OR5V1: variants seen among roughly 807,000 people sequenced by gnomAD.
OR5V1 encodes olfactory receptor 5V1.
For missense variants in OR5V1, 365 were observed against 371.5 expected (o/e 0.98, Z 0.14); for synonymous variants, 134 against 143.2 (o/e 0.94, Z 0.46).
Position 29,355,179 on chromosome 6 carries a change from G to A in OR5V1, c.*51C>T. On this transcript the variant is annotated 3_prime_UTR_variant, in exon 2 of 2. Coordinates refer to ENST00000641768, the MANE Select transcript of OR5V1 (RefSeq NM_030876.6). ...TTTTAAACTTTCAATAAAAACAGCTGACTGGTGAAAAAGTTAATTTTGTAG... is the reference window on the plus strand; with the variant it reads ...TTTTAAACTTTCAATAAAAACAGCTAACTGGTGAAAAAGTTAATTTTGTAG... 3 of 1,510,890 alleles carry A rather than the reference G, an allele frequency of 2.0e-6. No individual in the cohort carries two copies. The highest frequency in any genetic ancestry group is 2.7e-6 in the Non-Finnish European group (3 of 1,130,254). The allele number at this position is 1,510,890 out of a possible 1,614,324, so 93.6% of individuals were successfully genotyped here.
rs745441174 is a variant in OR5V1, at chr6:29,355,543, T to C, written c.653A>G (p.Tyr218Cys). The change falls in exon 2 of 2, where the codon TAC (tyrosine) becomes TGC (cysteine). Residue 218 changes from tyrosine to cysteine, a missense_variant. Physicochemically the swap from Tyr to Cys is radical, Grantham distance 194. Transcript: ENST00000641768. Reference protein sequence around the residue: ...WTPFLCIVLSYICIISTILRI... With the variant: ...WTPFLCIVLSCICIISTILRI... ...CAAGATGGTGGAGATTATGCAAATG[T>C]AGGAAAGTACGATACAAAGGAAAGG... The C allele has an allele frequency of 1.4e-5, 23 of 1,613,858 alleles. No homozygotes were observed. The highest frequency in any genetic ancestry group is 5.0e-5 in the Admixed American group (3 of 59,978).
chr6:29,356,206 G>T lies in OR5V1; in HGVS notation c.-11C>A. 6.5e-7 allele frequency: 1 copy of T among 1,546,346 alleles called. No individual in the cohort carries two copies. Among genetic ancestry groups the T allele is most frequent in the Non-Finnish European group, 8.7e-7 (1 of 1,152,992 alleles). On this transcript the variant is annotated 5_prime_UTR_variant, in exon 2 of 2. Transcript: ENST00000641768. ...ATTCTTTCTTTCCATGATGTCGCCTGGTTTCCTTTCAGGAATTGGGCAAAG... is the reference window on the plus strand; with the variant it reads ...ATTCTTTCTTTCCATGATGTCGCCTTGTTTCCTTTCAGGAATTGGGCAAAG...
rs776585406 is a variant in OR5V1, at chr6:29,356,188, C to A, written c.8G>T (p.Arg3Ile). The A allele has an allele frequency of 5.1e-6, 8 of 1,564,246 alleles. No individual in the cohort carries two copies. The highest frequency in any genetic ancestry group is 6.9e-6 in the Non-Finnish European group (8 of 1,160,950). The change falls in exon 2 of 2, where the codon AGA becomes ATA. Residue 3 changes from arginine to isoleucine, a missense_variant. Transcript: ENST00000641768. ...TTCAGTTATAGCTGTTTGATTCTTT[C>A]TTTCCATGATGTCGCCTGGTTTCCT... The part of the protein sequence containing the change: ME[R>I]KNQTAITEFI...
intron 1 of OR5V1, among the ~76,000 whole-genome samples, chr6:29,365,654 G>C (rs1778815498): frequency 6.6e-6 from 1 of 152,120 alleles, no homozygotes; most frequent in African/African-American, 2.4e-5. Flanking sequence ...TCTGCAAACA[G>C]CAGATGTTGG....
intron 1 of OR5V1, among the ~76,000 whole-genome samples, chr6:29,360,558 G>A (rs531116705): frequency 1.3e-5 from 2 of 152,270 alleles, no homozygotes; most frequent in Non-Finnish European, 2.9e-5. Context: ...TTCCCTTTGG[G>A]ATGAAGCTTC....
intron 1 of OR5V1, among the ~76,000 whole-genome samples, chr6:29,359,245 A>G (rs895984267): frequency 6.6e-6 from 1 of 152,246 alleles, no homozygotes; most frequent in Non-Finnish European, 1.5e-5. Context: ...CCCAGTTCAC[A>G]TGCCCACACA....
chr6:29,364,352 G>A (rs1325086443), intron 1 of OR5V1, among the ~76,000 whole-genome samples: 1 of 150,676 alleles, frequency 6.6e-6, no homozygotes, highest in Non-Finnish European at 1.5e-5. Context: ...TCAATACTGT[G>A]TAAATGGCCA....
At chr6:29,364,784 C>T (rs1438144880) in intron 1 of OR5V1, among the ~76,000 whole-genome samples, 1 of 7,028 alleles carries the variant, frequency 1.4e-4, no homozygotes, top group African/African-American at 3.3e-4. Flanking sequence ...GGCGACAGAG[C>T]GAGACTCCGT....
At chr6:29,368,380 C>A (rs1778963522) in intron 1 of OR5V1, among the ~76,000 whole-genome samples, 1 of 152,084 alleles carries the variant, frequency 6.6e-6, no homozygotes, top group African/African-American at 2.4e-5. Flanking sequence ...GGCAAACCAG[C>A]AGAGGGCTAT....
rs1461365915 is a variant in OR5V1 at position 29,355,011 on chromosome 6, A to C, written c.*219T>G. 2.5e-6 allele frequency: 1 copy of C among 407,478 alleles called. No individual in the cohort carries two copies. The highest frequency in any genetic ancestry group is 4.3e-6 in the Non-Finnish European group (1 of 234,882). The allele number at this position is 407,478 out of a possible 1,614,324, so 25.2% of individuals were successfully genotyped here. A position where few individuals can be genotyped will look rare whatever the true frequency, so the allele number is the denominator to read the frequency against. On this transcript the variant is annotated 3_prime_UTR_variant, in exon 2 of 2. Transcript: ENST00000641768. ...GAAACAGTCTTTGAATGCAAAATTC[A>C]GGAATGGAAAAATAAATAAGAAGAT...
At position 29,355,472 on chromosome 6, in the gene OR5V1, C is replaced by T. The variant is rs1228616184; in HGVS notation, c.724G>A (p.Ala242Thr). ...AGAAAGACAATGGCCAGGTGGGAGGCACATGTAGAGAAGGCTTTTCGTCTT... is the reference window on the plus strand; with the variant it reads ...AGAAAGACAATGGCCAGGTGGGAGGTACATGTAGAGAAGGCTTTTCGTCTT... ...EGRRKAFSTC[A>T]SHLAIVFLFY... Residue 242 changes from alanine to threonine, a missense_variant, in exon 2 of 2, where the codon GCC (alanine) becomes ACC (threonine). By Grantham distance (58) the Ala-to-Thr change is moderately conservative (BLOSUM62 0). Transcript: ENST00000641768. 21 of 1,613,854 alleles carry T rather than the reference C, an allele frequency of 1.3e-5. No individual in the cohort carries two copies. The highest frequency in any genetic ancestry group is 1.8e-5 in the Non-Finnish European group (21 of 1,179,926).
intron 1 of OR5V1, among the ~76,000 whole-genome samples, chr6:29,367,705 C>A (rs16894773): frequency 6.6e-6 from 1 of 152,044 alleles, no homozygotes; most frequent in Admixed American, 6.6e-5. Context: ...AAATCTAGAA[C>A]AACATCCTGC....
intron 1 of OR5V1, among the ~76,000 whole-genome samples, chr6:29,368,051 C>G (rs1032521705): frequency 1.1e-4 from 17 of 152,162 alleles, no homozygotes; most frequent in African/African-American, 3.9e-4. Context: ...TTCCTTCTAA[C>G]AGACCCAGTA....
chr6:29,366,950 A>G (rs1314143694), intron 1 of OR5V1, among the ~76,000 whole-genome samples: 1 of 152,154 alleles, frequency 6.6e-6, no homozygotes, highest in Non-Finnish European at 1.5e-5. Context: ...TTGTTACCCA[A>G]GTCCTCTATG....
At position 29,356,172 on chromosome 6, in the gene OR5V1, A is replaced by G. The variant is rs761149305; in HGVS notation, c.24T>C (p.Ala8=). 1.9e-6 allele frequency: 3 copies of G among 1,585,546 alleles called. No individual in the cohort carries two copies. Among genetic ancestry groups the G allele is most frequent in the Admixed American group, 3.7e-5 (2 of 54,500 alleles). ...ATCCCAAGATGATGAATTCAGTTATAGCTGTTTGATTCTTTCTTTCCATGA... is the reference window on the plus strand; with the variant it reads ...ATCCCAAGATGATGAATTCAGTTATGGCTGTTTGATTCTTTCTTTCCATGA... MERKNQT[A]ITEFIILGFS... The change falls in exon 2 of 2, where the codon GCT becomes GCC. Residue 8 remains alanine, a synonymous_variant. Transcript: ENST00000641768.
intron 1 of OR5V1, among the ~76,000 whole-genome samples, chr6:29,360,163 T>C (rs1274863966): frequency 2.0e-5 from 3 of 152,114 alleles, no homozygotes. Flanking sequence ...TTGGACTGGG[T>C]GGAACTCAAC....
intron 1 of OR5V1, among the ~76,000 whole-genome samples, 158 bp downstream of exon 1, chr6:29,368,474 G>T (rs912237549): frequency 1.3e-5 from 2 of 152,114 alleles, no homozygotes; most frequent in African/African-American, 4.8e-5. Context: ...CAAAGCATGG[G>T]ACAGACAATT....
chr6:29,368,842 A>G lies in OR5V1; in HGVS notation c.-293T>C, dbSNP rs1454910786. 2 of 152,112 alleles carry G rather than the reference A, an allele frequency of 1.3e-5. No homozygotes were observed. Among genetic ancestry groups the G allele is most frequent in the Non-Finnish European group, 2.9e-5 (2 of 68,016 alleles). The allele number at this position is 152,112 out of a possible 1,614,324, so 9.4% of individuals were successfully genotyped here. A position where few individuals can be genotyped will look rare whatever the true frequency, so the allele number is the denominator to read the frequency against. On this transcript the variant is annotated 5_prime_UTR_variant, in exon 1 of 2. Coordinates refer to ENST00000641768, the MANE Select transcript of OR5V1 (RefSeq NM_030876.6). ...CATGGGACTGGAGTGAGTAAGGAAA[A>G]TGCCCTTTGGATTAAGAAGATCCCC...
chr6:29,359,826 G>A (rs1778483830), intron 1 of OR5V1, among the ~76,000 whole-genome samples: 1 of 152,202 alleles, frequency 6.6e-6, no homozygotes, highest in South Asian at 2.1e-4. Context: ...AGGGGCCTGG[G>A]TTTCAAGCAC....
Sources: allele counts gnomAD v4.1 joint callset (sites outside exome capture counted in the v4.1 genomes callset), GRCh38; gene constraint gnomAD v4.1.1; transcripts MANE v1.5; gene names NCBI Gene and HGNC (gene_info 2026-07-23, HGNC 2026-07-21).